The following CHRDL1 variants were observed in gnomAD, a reference collection of about 807,000 sequenced individuals.
CHRDL1 encodes the protein chordin like 1, also known as chordin-like protein 1.
In CHRDL1, 19 loss-of-function variants were observed where a neutral mutation model predicts 40.9. That is an observed-to-expected ratio of 0.46 (90% CI 0.32 to 0.68). CHRDL1 has a LOEUF of 0.68. Ranked by LOEUF, CHRDL1 falls within the 30% of genes least tolerant of loss-of-function variation. The probability of loss-of-function intolerance (pLI) is 0.03; values close to 1 mark genes in which losing one functional copy is unlikely to be tolerated. For synonymous variants in CHRDL1, 136 were observed against 123.4 expected (o/e 1.10, Z -0.68); for missense variants, 329 against 352.1 (o/e 0.93, Z 0.53).
At chrX:110,722,121 C>A (rs1337036745) in intron 4 of CHRDL1, among the ~76,000 whole-genome samples, 4 of 110,729 alleles carry the variant, frequency 3.6e-5, no homozygotes, top group Non-Finnish European at 7.6e-5. Flanking sequence ...CCTCAGCCTC[C>A]CAAGTAGCTG....
intron 6 of CHRDL1, among the ~76,000 whole-genome samples, chrX:110,710,332 G>C (rs990595354): frequency 8.9e-6 from 1 of 111,954 alleles, no homozygotes; most frequent in Non-Finnish European, 1.9e-5. Flanking sequence ...GAAAGAATAA[G>C]GTTGAAGAAA....
intron 11 of CHRDL1, among the ~76,000 whole-genome samples, chrX:110,678,572 C>T (rs369836181): frequency 2.7e-5 from 3 of 111,281 alleles, no homozygotes; most frequent in Admixed American, 9.6e-5. Context: ...ACCTCCTCCC[C>T]GAAGCCTTCC....
chrX:110,787,628 A>G (rs963947899), intron 2 of CHRDL1, among the ~76,000 whole-genome samples: 2 of 112,025 alleles, frequency 1.8e-5, no homozygotes, highest in African/African-American at 6.5e-5. Context: ...CACATGTTTC[A>G]AACTTTCTAA....
intron 7 of CHRDL1, among the ~76,000 whole-genome samples, chrX:110,695,701 C>T (rs778851828): frequency 2.6e-5 from 2 of 77,093 alleles, no homozygotes; most frequent in South Asian, 8.9e-4. Flanking sequence ...GGTCCCCTGA[C>T]CATATCCCAT....
chrX:110,690,704 G>T (rs1339723545), intron 8 of CHRDL1, among the ~76,000 whole-genome samples: 1 of 111,122 alleles, frequency 9.0e-6, no homozygotes, highest in African/African-American at 3.3e-5. Flanking sequence ...AGATTGAGAG[G>T]GAAAGGACCA....
At chrX:110,753,570 CAAT>C (rs1188760225) in intron 4 of CHRDL1, among the ~76,000 whole-genome samples, 1 of 111,312 alleles carries the variant, frequency 9.0e-6, no homozygotes, top group Non-Finnish European at 1.9e-5. Context: ...TCTTTTACCA[CAAT>C]AATAAATAAA....
chrX:110,762,673 C>G, intron 3 of CHRDL1, 22 bp downstream of exon 3: 3 of 934,123 alleles, frequency 3.2e-6, no homozygotes, highest in Non-Finnish European at 4.6e-6. Context: ...ACTGGGAAAT[C>G]ACATGTCATG....
intron 7 of CHRDL1, among the ~76,000 whole-genome samples, chrX:110,696,312 T>C (rs2070384681): frequency 9.0e-6 from 1 of 111,199 alleles, no homozygotes; most frequent in African/African-American, 3.3e-5. Flanking sequence ...AGGAAAATGA[T>C]CATGATGAAA....
intron 6 of CHRDL1, among the ~76,000 whole-genome samples, chrX:110,716,201 T>G: frequency 8.9e-6 from 1 of 111,870 alleles, no homozygotes; most frequent in Admixed American, 9.6e-5. Flanking sequence ...AGTAATTTCC[T>G]ATTGACGAGG....
At chrX:110,719,974 T>C (rs774570819) in intron 5 of CHRDL1, 46 bp from the exon 6 acceptor site, 5 of 860,134 alleles carry the variant, frequency 5.8e-6, no homozygotes, top group Non-Finnish European at 8.4e-6. Context: ...CTAGGATAAG[T>C]GTAAAGGCTT....
At position 110,688,771 on chromosome X, in the gene CHRDL1, C is replaced by T. The variant is rs774047502; in HGVS notation, c.811G>A (p.Gly271Ser). 3.2e-5 allele frequency: 39 copies of T among 1,205,188 alleles called. No homozygotes were observed. Among genetic ancestry groups the T allele is most frequent in the Non-Finnish European group, 4.0e-5 (36 of 892,570 alleles). The change falls in exon 9 of 12, where the codon GGC becomes AGC. Residue 271 changes from glycine (G) to serine (S), a missense_variant. Physicochemically the swap from Gly to Ser is moderately conservative, Grantham distance 56. Coordinates refer to ENST00000372042, the MANE Select transcript of CHRDL1 (RefSeq NM_001143981.2). ...CGGAGGTTTGGGTGCCAGGACTCGCCATGAGAATAGGTCTTTCCATTGGAA... is the reference window on the plus strand; with the variant it reads ...CGGAGGTTTGGGTGCCAGGACTCGCTATGAGAATAGGTCTTTCCATTGGAA... ...CVSNGKTYSHGESWHPNLRAF... is the reference protein window; with the variant it reads ...CVSNGKTYSHSESWHPNLRAF...
At position 110,709,393 on chromosome X, in the gene CHRDL1, A is replaced by G. The variant is rs1603173260; in HGVS notation, c.542-8672T>C. ...TTGGATCAAACAAACAAACAAACAA[A>G]CAAGCAAACAAAGCCTAGCAAAGAT... On this transcript the variant is annotated intron_variant, in intron 6 of 11. Coordinates refer to ENST00000372042, the MANE Select transcript of CHRDL1 (RefSeq NM_001143981.2). Among the ~76,000 whole-genome samples the G allele has an allele frequency of 2.7e-5, 3 of 112,042 alleles. No homozygotes were observed. In the Admixed American group the frequency reaches 2.8e-4, roughly 11 times the overall value.
Position 110,676,220 on chromosome X carries a change from G to A in CHRDL1, c.*11C>T, listed in dbSNP as rs2069773882. ...TTCTTGCTTTACCCTATCCAATACT[G>A]TCTGTCTTGCCTAACAGTGGCCCTT... On this transcript the variant is annotated 3_prime_UTR_variant, in exon 12 of 12. Transcript: ENST00000372042. The A allele has an allele frequency of 8.3e-7, 1 of 1,207,346 alleles. No homozygotes were observed. Among genetic ancestry groups the A allele is most frequent in the Non-Finnish European group, 1.1e-6 (1 of 892,821 alleles).
chrX:110,766,223 C>T (rs775287666), intron 2 of CHRDL1, among the ~76,000 whole-genome samples: 1 of 110,877 alleles, frequency 9.0e-6, no homozygotes, highest in African/African-American at 3.3e-5. Context: ...AGTGCATAAC[C>T]CTAAACACCT....
At chrX:110,774,489 G>A (rs1479129414) in intron 2 of CHRDL1, among the ~76,000 whole-genome samples, 1 of 110,407 alleles carries the variant, frequency 9.1e-6, no homozygotes, top group East Asian at 2.8e-4. Flanking sequence ...GAATAAAACA[G>A]TGGTGACTAT....
chrX:110,700,718 T>A lies in CHRDL1; in HGVS notation c.545A>T (p.Asp182Val), dbSNP rs181535586. 53 of 1,150,131 alleles carry A rather than the reference T, an allele frequency of 4.6e-5. 1 individual carries two copies. In the East Asian group the frequency reaches 8.6e-4, roughly 19 times the overall value. 94.8% of individuals were successfully genotyped at this position (1,150,131 alleles called of 1,213,427 possible). A position where few individuals can be genotyped will look rare whatever the true frequency, so the allele number is the denominator to read the frequency against. The change falls in exon 7 of 12, where the codon GAT becomes GTT. Residue 182 changes from aspartate (D) to valine (V), a missense_variant. Coordinates refer to ENST00000372042, the MANE Select transcript of CHRDL1 (RefSeq NM_001143981.2). ...PDSCCRVCRGDGELSWEHSDG... is the reference protein window; with the variant it reads ...PDSCCRVCRGVGELSWEHSDG... Reference sequence around the variant, plus strand: ...AGAATGTTCCCATGACAGTTCTCCATCTCCTGTTTATTAAAAAGAAATAAG... The same window carrying A: ...AGAATGTTCCCATGACAGTTCTCCAACTCCTGTTTATTAAAAAGAAATAAG...
chrX:110,794,437 G>GCAA (rs757244338), intron 1 of CHRDL1, among the ~76,000 whole-genome samples: 1 of 111,861 alleles, frequency 8.9e-6, no homozygotes, highest in Non-Finnish European at 1.9e-5. Context: ...CAACAAGAAA[G>GCAA]CAACAACAAC....
intron 4 of CHRDL1, among the ~76,000 whole-genome samples, chrX:110,752,842 A>C (rs1299583374): frequency 9.0e-6 from 1 of 111,120 alleles, no homozygotes; most frequent in Non-Finnish European, 1.9e-5. Context: ...AAACGAATAT[A>C]GAATTCAGAA....
chrX:110,787,739 G>C (rs2090039126), intron 2 of CHRDL1, among the ~76,000 whole-genome samples: 1 of 112,362 alleles, frequency 8.9e-6, no homozygotes, highest in South Asian at 3.7e-4. Flanking sequence ...CTTTTCTCTT[G>C]AGGAGAAAAA....
Sources: allele counts gnomAD v4.1 joint callset (sites outside exome capture counted in the v4.1 genomes callset), GRCh38; gene constraint gnomAD v4.1.1; transcripts MANE v1.5; gene names NCBI Gene and HGNC (gene_info 2026-07-23, HGNC 2026-07-21).